CDH13: variants seen among roughly 807,000 people sequenced by gnomAD.
CDH13 encodes cadherin 13, also known as cadherin-13.
Under a neutral mutation model 63.8 loss-of-function variants are expected in CDH13, and 24 were observed. The observed-to-expected ratio is 0.38, with a 90% CI of 0.27 to 0.53. The LOEUF (loss-of-function observed/expected upper bound fraction) is 0.53. CDH13 is among the 20% of genes least tolerant of loss of function. The pLI is 0.85. For synonymous variants in CDH13, 503 were observed against 355.3 expected, an observed-to-expected ratio of 1.42 and a Z score of -4.67; for missense variants, 1,049 against 903.1, an observed-to-expected ratio of 1.16 and a Z score of -2.07.
chr16:82,753,157 A>G (rs745631057), intron 1 of CDH13, among the ~76,000 whole-genome samples: 3 of 152,212 alleles, frequency 2.0e-5, no homozygotes, highest in Non-Finnish European at 4.4e-5. Context: ...TCATGAGTCC[A>G]TGGAAACAGC....
At chr16:83,466,558 C>A (rs1220606719) in intron 6 of CDH13, among the ~76,000 whole-genome samples, 2 of 152,204 alleles carry the variant, frequency 1.3e-5, no homozygotes, top group African/African-American at 4.8e-5. Context: ...ACACACTCCC[C>A]CTAATGACCT....
In CDH13 at chr16:82,644,281, A is replaced by T. The variant is rs902541930; in HGVS notation, c.45+17144A>T. On this transcript the variant is annotated intron_variant, in intron 1 of 13. Coordinates refer to ENST00000567109, the MANE Select transcript of CDH13 (RefSeq NM_001257.5). This position sits in a 1 kb window ranked among gnomAD's most constrained non-coding sequence, Gnocchi z 5.7. ...TGGGAAAGGAGCTCCCACTTCTTAC[A>T]TTCAGTGCTCATCACTCTGCAAATC... Among the ~76,000 whole-genome samples the T allele has an allele frequency of 6.6e-6, 1 of 152,058 alleles. No homozygotes were observed. Among genetic ancestry groups the T allele is most frequent in the African/African-American group, 2.4e-5 (1 of 41,384 alleles).
intron 5 of CDH13, among the ~76,000 whole-genome samples, chr16:83,334,826 G>C (rs1014377634): frequency 5.9e-5 from 9 of 152,058 alleles, no homozygotes; most frequent in African/African-American, 1.7e-4. Context: ...TTTTAGAAAG[G>C]ATATGTAGAT....
chr16:82,786,968 C>T (rs747431429), intron 1 of CDH13, among the ~76,000 whole-genome samples: 5 of 152,092 alleles, frequency 3.3e-5, no homozygotes, highest in South Asian at 2.1e-4. Context: ...TGGCTTCAAA[C>T]GCTTCTAAAT....
At chr16:83,224,444 G>A (rs1567519609) in intron 5 of CDH13, among the ~76,000 whole-genome samples, 1 of 152,226 alleles carries the variant, frequency 6.6e-6, no homozygotes, top group Non-Finnish European at 1.5e-5. Context: ...CCCAAAGGCA[G>A]GTAACAGGCT....
At chr16:83,483,144 C>G (rs547693266) in intron 6 of CDH13, among the ~76,000 whole-genome samples, 2 of 152,266 alleles carry the variant, frequency 1.3e-5, no homozygotes, top group African/African-American at 4.8e-5. Context: ...AGACTTGAAC[C>G]CAGATACGTC....
intron 8 of CDH13, among the ~76,000 whole-genome samples, chr16:83,606,171 G>A (rs1353469935): frequency 6.6e-6 from 1 of 152,202 alleles, no homozygotes; most frequent in Non-Finnish European, 1.5e-5. Flanking sequence ...ATCATTTGGA[G>A]TTGAGGATGT....
intron 1 of CDH13, among the ~76,000 whole-genome samples, chr16:82,791,496 C>G (rs1218711016): frequency 6.6e-6 from 1 of 152,224 alleles, no homozygotes; most frequent in African/African-American, 2.4e-5. Flanking sequence ...TTTGGGTCCC[C>G]TCCCATTGTA....
intron 1 of CDH13, chr16:82,844,639 ATT>A (rs374547544): frequency 1.3e-3 from 146 of 109,854 alleles, no homozygotes; most frequent in South Asian, 6.2e-3. Flanking sequence ...GTAATAAAGT[ATT>A]TTTTTTTTTT....
At chr16:83,024,764 G>A (rs1440996176) in intron 2 of CDH13, among the ~76,000 whole-genome samples, 2 of 152,220 alleles carry the variant, frequency 1.3e-5, no homozygotes, top group African/African-American at 2.4e-5. Context: ...CCAACAATCC[G>A]TTTGGAGAAT....
intron 5 of CDH13, among the ~76,000 whole-genome samples, chr16:83,338,085 C>T (rs1334053520): frequency 6.7e-6 from 1 of 149,398 alleles, no homozygotes; most frequent in East Asian, 2.0e-4. Context: ...TTCTTTGCTG[C>T]GATGAGTATT....
intron 2 of CDH13, among the ~76,000 whole-genome samples, chr16:82,874,113 C>T (rs2040428709): frequency 6.6e-6 from 1 of 152,124 alleles, no homozygotes; most frequent in South Asian, 2.1e-4. Context: ...TGTATTAAAA[C>T]AGGTTGGCAT....
In CDH13 at chr16:83,679,698, C is replaced by G. The variant is rs560260538; in HGVS notation, c.1538+1237C>G. 3.9e-5 allele frequency among the ~76,000 whole-genome samples: 6 copies of G among 152,112 alleles called. No homozygotes were observed. In the East Asian group the frequency reaches 9.6e-4, roughly 24 times the overall value. Reference sequence around the variant, plus strand: ...TCAAAGAGAGAGTCTTTCTTAAGTACTTAGATGGGAAAACTCGTAGCTTAA... The same window carrying G: ...TCAAAGAGAGAGTCTTTCTTAAGTAGTTAGATGGGAAAACTCGTAGCTTAA... On this transcript the variant is annotated intron_variant, in intron 10 of 13. Coordinates refer to ENST00000567109, the MANE Select transcript of CDH13 (RefSeq NM_001257.5).
At chr16:83,036,066 C>T (rs1916822530) in intron 3 of CDH13, among the ~76,000 whole-genome samples, 1 of 151,564 alleles carries the variant, frequency 6.6e-6, no homozygotes, top group African/African-American at 2.4e-5. Context: ...CTGTTTCTTG[C>T]TCTGGACACT....
At chr16:83,371,423 G>T (rs1231577953) in intron 6 of CDH13, among the ~76,000 whole-genome samples, 1 of 152,106 alleles carries the variant, frequency 6.6e-6, no homozygotes, top group Non-Finnish European at 1.5e-5. Flanking sequence ...CCCATTATAA[G>T]CCCTTTTCCT....
At chr16:82,815,609 A>C (rs1317266159) in intron 1 of CDH13, among the ~76,000 whole-genome samples, 1 of 152,174 alleles carries the variant, frequency 6.6e-6, no homozygotes, top group African/African-American at 2.4e-5. Flanking sequence ...ATGACTTGAA[A>C]TTCTGTATCA....
chr16:83,234,018 G>T (rs928440142), intron 5 of CDH13, among the ~76,000 whole-genome samples: 1 of 152,168 alleles, frequency 6.6e-6, no homozygotes, highest in African/African-American at 2.4e-5. Flanking sequence ...AGCAGGGATG[G>T]ATAATGTGGC....
intron 7 of CDH13, among the ~76,000 whole-genome samples, chr16:83,550,131 C>A (rs116243521): frequency 8.5e-5 from 13 of 152,222 alleles, no homozygotes; most frequent in Admixed American, 8.5e-4. Context: ...GCAGGATGCA[C>A]TTTGCCAGGG....
chr16:83,208,037 T>G (rs1439345140), intron 4 of CDH13, among the ~76,000 whole-genome samples: 2 of 152,198 alleles, frequency 1.3e-5, no homozygotes, highest in Non-Finnish European at 2.9e-5. Flanking sequence ...CCATCTTGCC[T>G]GTAACCTTAG....
Sources: allele counts gnomAD v4.1 joint callset (sites outside exome capture counted in the v4.1 genomes callset), GRCh38; gene constraint gnomAD v4.1.1; non-coding constraint Gnocchi (gnomAD v3.1); transcripts MANE v1.5; gene names NCBI Gene and HGNC (gene_info 2026-07-23, HGNC 2026-07-21).